Variants in IGF2R observed in about 807,000 individuals in gnomAD.
IGF2R encodes the protein insulin like growth factor 2 receptor, also known as cation-independent mannose-6-phosphate receptor.
In IGF2R, 91 loss-of-function variants were observed where a neutral mutation model predicts 270.6. The observed-to-expected ratio is 0.34, with a 90% CI of 0.28 to 0.40. IGF2R has a LOEUF of 0.40. Ranked by LOEUF, IGF2R falls within the 10% of genes least tolerant of loss-of-function variation. The pLI is 1.00. For missense variants in IGF2R, 2,805 were observed against 3,188.3 expected (o/e 0.88, Z 2.90); for synonymous variants, 1,316 against 1,258.9 (o/e 1.05, Z -0.96).
At chr6:159,983,700 T>C (rs1324357488) in intron 1 of IGF2R, among the ~76,000 whole-genome samples, 6 of 152,232 alleles carry the variant, frequency 3.9e-5, no homozygotes, top group Admixed American at 3.9e-4. Context: ...AGAATGTTTC[T>C]GAGTTGTGTC....
rs544990002 is a variant in IGF2R, at chr6:160,010,440, G to C, written c.415-247G>C. On this transcript the variant is annotated intron_variant, in intron 3 of 47. Coordinates refer to ENST00000356956, the MANE Select transcript of IGF2R (RefSeq NM_000876.4). The stretch of plus-strand genomic sequence containing the variant: ...TGAACTCACTCAATGTACTTGCACA[G>C]CTGGGGCGGTAGAATTCCTTTGGAT... 3.7e-5 allele frequency: 14 copies of C among 378,162 alleles called. No individual in the cohort carries two copies. The East Asian group carries it at 5.7e-4, about 16-fold the overall frequency. The allele number at this position is 378,162 out of a possible 1,614,324, so 23.4% of individuals were successfully genotyped here. A position where few individuals can be genotyped will look rare whatever the true frequency, so the allele number is the denominator to read the frequency against.
intron 10 of IGF2R, among the ~76,000 whole-genome samples, chr6:160,035,823 C>T (rs1019468354): frequency 8.5e-5 from 13 of 152,088 alleles, no homozygotes; most frequent in African/African-American, 2.2e-4. Flanking sequence ...TTAGTGTTGT[C>T]GCTCCGCTGC....
At chr6:160,019,235 A>G (rs1427584404) in intron 4 of IGF2R, among the ~76,000 whole-genome samples, 5 of 152,218 alleles carry the variant, frequency 3.3e-5, no homozygotes, top group African/African-American at 1.2e-4. Flanking sequence ...AGATTCAACC[A>G]GGAAGAAATA....
intron 41 of IGF2R, among the ~76,000 whole-genome samples, chr6:160,086,246 A>G (rs1254341023): frequency 6.6e-6 from 1 of 152,180 alleles, no homozygotes; most frequent in Non-Finnish European, 1.5e-5. Context: ...TGGCGGGAAG[A>G]GCTCATGCTT....
intron 12 of IGF2R, among the ~76,000 whole-genome samples, chr6:160,043,912 A>G (rs8191781): frequency 0.031 from 4,740 of 152,338 alleles, 267 homozygotes; most frequent in African/African-American, 0.11. Flanking sequence ...TTATCTCGGT[A>G]TTCAGAATTG....
At chr6:160,083,910 T>C (rs1251337764) in intron 39 of IGF2R, 40 bp from the exon 40 acceptor site, 1 of 1,357,960 alleles carries the variant, frequency 7.4e-7, no homozygotes, top group Non-Finnish European at 1.1e-6. Context: ...ATAGACACAG[T>C]GACAGTCTGA....
At chr6:160,093,960 T>G (rs1455213014) in intron 44 of IGF2R, 1 of 688,852 alleles carries the variant, frequency 1.5e-6, no homozygotes, top group Non-Finnish European at 2.8e-6. Flanking sequence ...AGAAGGTGGA[T>G]GTAGAACAGA....
At chr6:160,037,531 A>G (rs1187610128) in intron 10 of IGF2R, among the ~76,000 whole-genome samples, 1 of 152,218 alleles carries the variant, frequency 6.6e-6, no homozygotes, top group Non-Finnish European at 1.5e-5. Context: ...ATCTCTAGGA[A>G]TTATTCATGT....
intron 4 of IGF2R, among the ~76,000 whole-genome samples, chr6:160,016,364 G>T (rs1777300658): frequency 6.6e-6 from 1 of 152,200 alleles, no homozygotes; most frequent in South Asian, 2.1e-4. Context: ...ATATGTGCTT[G>T]CCTGACCCAG....
chr6:160,056,520 G>C lies in IGF2R; in HGVS notation c.2791G>C (p.Asp931His). 1 of 1,608,074 alleles carries C rather than the reference G, an allele frequency of 6.2e-7. No homozygotes were observed. Among genetic ancestry groups the C allele is most frequent in the Non-Finnish European group, 8.5e-7 (1 of 1,174,526 alleles). Reference protein sequence around the residue: ...ACPIQTTTDTDQACSIRDPNS... With the variant: ...ACPIQTTTDTHQACSIRDPNS... ...TCCCATTCAGACAACGACGGATACA[G>C]ACCAGGTACGTGTGCTTTCACCTGG... The change falls in exon 20 of 48, where the codon GAC (aspartate) becomes CAC (histidine). Residue 931 changes from aspartate to histidine, a missense_variant. By Grantham distance (81) the Asp-to-His change is moderately conservative (BLOSUM62 -1). Coordinates refer to ENST00000356956, the MANE Select transcript of IGF2R (RefSeq NM_000876.4).
At chr6:160,044,801 G>A (rs1012594645) in intron 13 of IGF2R, 144 bp downstream of exon 13, 28 of 664,616 alleles carry the variant, frequency 4.2e-5, no homozygotes, top group Middle Eastern at 4.1e-4. Flanking sequence ...AGACTCTGGC[G>A]ATGGGAGATA....
chr6:160,031,788 G>A (rs757354404), intron 7 of IGF2R, among the ~76,000 whole-genome samples: 1 of 152,160 alleles, frequency 6.6e-6, no homozygotes, highest in East Asian at 1.9e-4. Flanking sequence ...GAGTATTTAC[G>A]GAATGAATGG....
chr6:159,969,571 G>C (rs8191693), intron 1 of IGF2R, among the ~76,000 whole-genome samples, 176 bp downstream of exon 1: 12,499 of 152,034 alleles, frequency 0.082, 578 homozygotes, highest in East Asian at 0.1. Context: ...AGTCCCGCCG[G>C]GTCCCGTGCG....
intron 45 of IGF2R, among the ~76,000 whole-genome samples, chr6:160,098,648 G>T (rs369368668): frequency 6.6e-6 from 1 of 152,052 alleles, no homozygotes; most frequent in African/African-American, 2.4e-5. Context: ...GTGAAACCCC[G>T]TCTCTACTAA....
At chr6:160,033,453 G>A (rs958970690) in intron 9 of IGF2R, among the ~76,000 whole-genome samples, 5 of 152,246 alleles carry the variant, frequency 3.3e-5, no homozygotes, top group Non-Finnish European at 7.3e-5. Context: ...TTTCAAGTGC[G>A]TTGTGTGTAT....
rs748500898 is a variant in IGF2R, at chr6:160,050,598, C to T, written c.2640C>T (p.Gly880=). The part of the protein sequence containing the change: ...VNGSACTTSD[G]RQTTYTTRIH... ...GGTCGGCCTGCACCACCAGCGATGG[C>T]AGACAGACCACATATACCACGAGGA... The change falls in exon 19 of 48, where the codon GGC becomes GGT. Residue 880 remains glycine (G), a synonymous_variant. Transcript: ENST00000356956. The surrounding 1 kb of genome is among the most constrained non-coding windows in gnomAD (Gnocchi z 4.0). 6.8e-6 allele frequency: 11 copies of T among 1,614,014 alleles called. 1 individual carries two copies. In the Admixed American group the frequency reaches 1.0e-4, roughly 15 times the overall value.
intron 4 of IGF2R, among the ~76,000 whole-genome samples, chr6:160,023,153 A>T (rs1360341038): frequency 6.6e-6 from 1 of 152,072 alleles, no homozygotes; most frequent in Admixed American, 6.6e-5. Context: ...CAGTTAAGAT[A>T]CTATTGCAGG....
intron 20 of IGF2R, among the ~76,000 whole-genome samples, chr6:160,057,307 C>T (rs1385132853): frequency 1.3e-5 from 2 of 152,226 alleles, no homozygotes; most frequent in Non-Finnish European, 2.9e-5. Context: ...TCTCTCTGAC[C>T]TCCCCAAGGT....
chr6:160,003,434 A>G (rs1583252493), intron 2 of IGF2R: 2 of 152,344 alleles, frequency 1.3e-5, no homozygotes, highest in Admixed American at 6.5e-5. Flanking sequence ...TTGTGACTCA[A>G]ACGGATAGAA....
Sources: gnomAD v4.1 joint callset for allele counts (sites outside exome capture counted in the v4.1 genomes callset) on GRCh38, gnomAD v4.1.1 for gene constraint, Gnocchi (gnomAD v3.1) non-coding constraint, MANE v1.5 for transcripts, NCBI Gene and HGNC (gene_info 2026-07-23, HGNC 2026-07-21) for gene names.